Variants in NRXN3 observed in about 807,000 individuals in gnomAD.
NRXN3 encodes the protein neurexin III.
A neutral mutation model predicts 137.6 loss-of-function variants in NRXN3; 32 were observed. That is an observed-to-expected ratio of 0.23 (90% CI 0.18 to 0.31). The LOEUF (loss-of-function observed/expected upper bound fraction) is 0.31. NRXN3 is among the 10% of genes least tolerant of loss of function. NRXN3 has a pLI of 1.00. For missense variants in NRXN3, 1,574 were observed against 2,062.5 expected (o/e 0.76, Z 4.59); for synonymous variants, 798 against 784.5 (o/e 1.02, Z -0.29).
intron 20 of NRXN3, among the ~76,000 whole-genome samples, chr14:79,854,775 A>G (rs1393519721): frequency 6.6e-6 from 1 of 152,236 alleles, no homozygotes; most frequent in Admixed American, 6.5e-5. Context: ...CATTTAGGAA[A>G]TTAGTTCTTT....
chr14:78,837,715 A>G (rs771166976), intron 10 of NRXN3, among the ~76,000 whole-genome samples: 8 of 152,084 alleles, frequency 5.3e-5, no homozygotes, highest in Non-Finnish European at 1.0e-4. Context: ...CCCCTCCACA[A>G]ATTTGTTCTT....
At chr14:79,758,175 C>G (rs779302338) in intron 19 of NRXN3, among the ~76,000 whole-genome samples, 6 of 152,144 alleles carry the variant, frequency 3.9e-5, no homozygotes, top group Non-Finnish European at 7.4e-5. Context: ...CTAATTCCCT[C>G]TTATTCCCTT....
intron 1 of NRXN3, among the ~76,000 whole-genome samples, chr14:78,179,186 G>A (rs1013381703): frequency 1.3e-5 from 2 of 152,164 alleles, no homozygotes; most frequent in African/African-American, 4.8e-5. Context: ...TGTGTCACAG[G>A]ATAAAGGGTG....
At chr14:79,587,386 A>G (rs975639969) in intron 16 of NRXN3, among the ~76,000 whole-genome samples, 3 of 152,228 alleles carry the variant, frequency 2.0e-5, no homozygotes. Flanking sequence ...ATTTCCGTCA[A>G]GGAAGCCCTT....
At chr14:79,045,506 G>A (rs982311777) in intron 15 of NRXN3, among the ~76,000 whole-genome samples, 1 of 152,222 alleles carries the variant, frequency 6.6e-6, no homozygotes, top group South Asian at 2.1e-4. Context: ...GAGCCCTGAG[G>A]CAGGGCTTTC....
chr14:79,743,856 C>G (rs1018921357), intron 19 of NRXN3, among the ~76,000 whole-genome samples: 3 of 152,116 alleles, frequency 2.0e-5, no homozygotes, highest in African/African-American at 4.8e-5. Flanking sequence ...ATGTTTGAGG[C>G]CTCTGGGCCC....
intron 2 of NRXN3, among the ~76,000 whole-genome samples, chr14:78,256,734 A>G (rs1186865463): frequency 6.6e-6 from 1 of 152,246 alleles, no homozygotes; most frequent in African/African-American, 2.4e-5. Context: ...GTAAGTTAAC[A>G]ATGCATTGAT....
Position 79,500,504 on chromosome 14 carries a change from A to G in NRXN3, c.3444+33102A>G, listed in dbSNP as rs191750134. Among the ~76,000 whole-genome samples, 47 of 152,328 alleles carry G rather than the reference A, an allele frequency of 3.1e-4. No individual in the cohort carries two copies. The East Asian group carries it at 6.4e-3, about 21-fold the overall frequency. ...CAGTTAAAATTATTAACTATTATGC[A>G]TCACTTGTCAACTATAGGAAGCATT... On this transcript the variant is annotated intron_variant, in intron 16 of 20. Transcript: ENST00000335750.
At chr14:79,477,679 T>C in intron 16 of NRXN3, among the ~76,000 whole-genome samples, 1 of 152,102 alleles carries the variant, frequency 6.6e-6, no homozygotes, top group East Asian at 1.9e-4. Flanking sequence ...GGAGATTATT[T>C]TGGCTCTGTT....
chr14:78,841,463 C>T (rs902908292), intron 10 of NRXN3, among the ~76,000 whole-genome samples: 1 of 152,014 alleles, frequency 6.6e-6, no homozygotes, highest in African/African-American at 2.4e-5. Context: ...GGGCTTAGAA[C>T]ATTTTGTGAC....
At chr14:79,435,709 A>T (rs572978335) in intron 15 of NRXN3, among the ~76,000 whole-genome samples, 25 of 152,032 alleles carry the variant, frequency 1.6e-4, no homozygotes, top group South Asian at 4.2e-4. Flanking sequence ...ATCATAGCTC[A>T]CTGCAGTCCC....
intron 8 of NRXN3, among the ~76,000 whole-genome samples, chr14:78,738,409 G>T (rs970004905): frequency 1.3e-5 from 2 of 152,240 alleles, no homozygotes; most frequent in Non-Finnish European, 2.9e-5. Flanking sequence ...CAGCCTAGGT[G>T]GGGGAATGTC....
intron 15 of NRXN3, among the ~76,000 whole-genome samples, chr14:79,049,106 T>G: frequency 3.1e-5 from 4 of 128,094 alleles, no homozygotes; most frequent in African/African-American, 9.4e-5. Flanking sequence ...TATGATGGGG[T>G]GTGCTGCATT....
At chr14:78,801,278 G>A (rs571678313) in intron 8 of NRXN3, among the ~76,000 whole-genome samples, 7 of 152,278 alleles carry the variant, frequency 4.6e-5, no homozygotes, top group Admixed American at 1.3e-4. Context: ...CCGAGATCGC[G>A]CTACAGCACT....
rs550261669 is a variant in NRXN3, at chr14:78,505,719, C to A, written c.758-139401C>A. Reference sequence around the variant, plus strand: ...AAAGCAGACTGTGCTTTTTAGCATTCAGAGAATAGATTGCCTATGGAAAAT... The same window carrying A: ...AAAGCAGACTGTGCTTTTTAGCATTAAGAGAATAGATTGCCTATGGAAAAT... On this transcript the variant is annotated intron_variant, in intron 4 of 20. Coordinates refer to ENST00000335750, the MANE Select transcript of NRXN3 (RefSeq NM_001330195.2). 2.8e-4 allele frequency among the ~76,000 whole-genome samples: 43 copies of A among 152,154 alleles called. 1 individual carries two copies. Among genetic ancestry groups the A allele is most frequent in the Admixed American group, 2.6e-3 (40 of 15,272 alleles).
intron 15 of NRXN3, among the ~76,000 whole-genome samples, chr14:79,390,957 C>T (rs1333557938): frequency 6.6e-6 from 1 of 152,068 alleles, no homozygotes; most frequent in Non-Finnish European, 1.5e-5. Flanking sequence ...GCCCCCTCTT[C>T]CTCTCTTGCC....
intron 17 of NRXN3, among the ~76,000 whole-genome samples, chr14:79,676,359 G>A (rs998288487): frequency 4.0e-5 from 6 of 151,744 alleles, no homozygotes; most frequent in South Asian, 2.1e-4. Context: ...TCCCCACCAC[G>A]CCTGGTACCC....
At chr14:79,001,144 G>T (rs139682717) in intron 15 of NRXN3, among the ~76,000 whole-genome samples, 91 of 152,212 alleles carry the variant, frequency 6.0e-4, no homozygotes, top group African/African-American at 2.1e-3. Context: ...TCTGCCGACC[G>T]AGGGGAAGCC....
At chr14:79,449,842 T>C (rs1467252592) in intron 15 of NRXN3, among the ~76,000 whole-genome samples, 8 of 151,810 alleles carry the variant, frequency 5.3e-5, no homozygotes, top group Admixed American at 6.6e-5. Context: ...ACTATAAAAA[T>C]TAGCCGGGTG....
Sources: gnomAD v4.1 joint callset for allele counts (sites outside exome capture counted in the v4.1 genomes callset) on GRCh38, gnomAD v4.1.1 for gene constraint, MANE v1.5 for transcripts, NCBI Gene and HGNC (gene_info 2026-07-23, HGNC 2026-07-21) for gene names.